Variants in CACNA2D1 observed in about 807,000 individuals in gnomAD.
CACNA2D1 encodes the protein voltage-dependent calcium channel subunit alpha-2/delta-1.
CACNA2D1 carries 53 observed loss-of-function variants against 171.5 expected under a neutral mutation model. The observed-to-expected ratio is 0.31, with a 90% CI of 0.25 to 0.39. CACNA2D1 has a LOEUF of 0.39. CACNA2D1 is among the 10% of genes least tolerant of loss of function. CACNA2D1 has a pLI of 1.00. For synonymous variants in CACNA2D1, 442 were observed against 443.1 expected (o/e 1.00, Z 0.03); for missense variants, 903 against 1,299.8 (o/e 0.69, Z 4.69).
intron 3 of CACNA2D1, among the ~76,000 whole-genome samples, chr7:82,239,003 G>A (rs1397783128): frequency 1.3e-5 from 2 of 151,846 alleles, no homozygotes; most frequent in African/African-American, 4.8e-5. Flanking sequence ...TGGTATATTG[G>A]GATATGGGCA....
At chr7:82,292,077 A>C (rs891299027) in intron 3 of CACNA2D1, among the ~76,000 whole-genome samples, 8 of 152,038 alleles carry the variant, frequency 5.3e-5, no homozygotes, top group African/African-American at 1.9e-4. Flanking sequence ...GTAGTTCTAT[A>C]ATTCAGTGCT....
At chr7:82,226,795 T>C (rs1045248021) in intron 3 of CACNA2D1, among the ~76,000 whole-genome samples, 4 of 152,192 alleles carry the variant, frequency 2.6e-5, no homozygotes, top group Admixed American at 2.6e-4. Flanking sequence ...AAGGCTATAT[T>C]TTATATTTCT....
At position 81,968,834 on chromosome 7, in the gene CACNA2D1, G is replaced by T. The variant is rs1794973149; in HGVS notation, c.2395+53C>A. ...AACATTGCCAGTTTATAATATAAAT[G>T]CCAAGTAACATTTAATTTTGATTGT... On this transcript the variant is annotated intron_variant, in intron 29 of 38. Transcript: ENST00000356860. 6.1e-6 allele frequency: 6 copies of T among 981,542 alleles called. No individual in the cohort carries two copies. In the South Asian group the frequency reaches 6.6e-5, roughly 11 times the overall value. 60.8% of individuals were successfully genotyped at this position (981,542 alleles called of 1,614,324 possible). A position where few individuals can be genotyped will look rare whatever the true frequency, so the allele number is the denominator to read the frequency against.
rs866191389 is a variant in CACNA2D1, at chr7:82,400,343, G to A, written c.95+43022C>T. Among the ~76,000 whole-genome samples, 83 of 151,084 alleles carry A rather than the reference G, an allele frequency of 5.5e-4. No homozygotes were observed. In the Middle Eastern group the frequency reaches 0.017, roughly 31 times the overall value. On this transcript the variant is annotated intron_variant, in intron 1 of 38. Coordinates refer to ENST00000356860, the MANE Select transcript of CACNA2D1 (RefSeq NM_000722.4). Reference sequence around the variant, plus strand: ...TTCTTCCTACCCATGAGCATGGAATGTTCTTCCATTTGTTTGTATCCTCTT... The same window carrying A: ...TTCTTCCTACCCATGAGCATGGAATATTCTTCCATTTGTTTGTATCCTCTT...
At chr7:82,241,392 T>A (rs1341651517) in intron 3 of CACNA2D1, among the ~76,000 whole-genome samples, 1 of 152,174 alleles carries the variant, frequency 6.6e-6, no homozygotes, top group Non-Finnish European at 1.5e-5. Flanking sequence ...TGGACTATAT[T>A]TTGCATTAAT....
Position 81,959,826 on chromosome 7 carries a change from G to T in CACNA2D1, c.2970C>A (p.Ile990=), listed in dbSNP as rs1258962648. 6.2e-7 allele frequency: 1 copy of T among 1,611,588 alleles called. No individual in the cohort carries two copies. Among genetic ancestry groups the T allele is most frequent in the Non-Finnish European group, 8.5e-7 (1 of 1,178,666 alleles). The change falls in exon 37 of 39, where the codon ATC becomes ATA. Residue 990 remains isoleucine, a synonymous_variant. Transcript: ENST00000356860. ...TGTTCATAAGCTTTTCTCCATGAAA[G>T]ATTCTGCAAAATAAATATGGTATCA... ...GVLDCGNCSR[I]FHGEKLMNTN... is the part of the protein sequence containing the mutation.
intron 20 of CACNA2D1, among the ~76,000 whole-genome samples, chr7:81,993,788 A>C (rs1797785344): frequency 6.6e-6 from 1 of 152,132 alleles, no homozygotes; most frequent in South Asian, 2.1e-4. Context: ...AGACAGGAAA[A>C]TATAGTCTTT....
intron 4 of CACNA2D1, among the ~76,000 whole-genome samples, chr7:82,164,238 T>C (rs1465123982): frequency 6.6e-6 from 1 of 152,024 alleles, no homozygotes; most frequent in Non-Finnish European, 1.5e-5. Flanking sequence ...AAAAATTGTA[T>C]ATAGGCCACT....
intron 10 of CACNA2D1, among the ~76,000 whole-genome samples, chr7:82,040,313 T>C (rs533565524): frequency 1.3e-5 from 2 of 151,940 alleles, no homozygotes; most frequent in East Asian, 3.9e-4. Context: ...TCAGGGATAA[T>C]TGAGGAATAG....
intron 2 of CACNA2D1, among the ~76,000 whole-genome samples, chr7:82,340,451 G>A (rs184747944): frequency 2.7e-4 from 41 of 151,068 alleles, no homozygotes; most frequent in Admixed American, 2.6e-3. Context: ...GATTACAGGC[G>A]TGAGCCACAG....
At chr7:82,134,635 A>C (rs1294781991) in intron 5 of CACNA2D1, among the ~76,000 whole-genome samples, 3 of 152,208 alleles carry the variant, frequency 2.0e-5, no homozygotes, top group Non-Finnish European at 4.4e-5. Flanking sequence ...AAAACAGAGA[A>C]GGAATCCTTA....
intron 4 of CACNA2D1, among the ~76,000 whole-genome samples, 171 bp from the exon 5 acceptor site, chr7:82,136,847 C>A (rs1207630209): frequency 4.6e-5 from 7 of 152,070 alleles, no homozygotes; most frequent in Admixed American, 1.3e-4. Context: ...CATATTAAAA[C>A]CGTTTATCAG....
chr7:81,962,874 C>A (rs1794307581), intron 34 of CACNA2D1, among the ~76,000 whole-genome samples: 1 of 151,944 alleles, frequency 6.6e-6, no homozygotes, highest in African/African-American at 2.4e-5. Context: ...GTTTCCCCCG[C>A]CCCCAACAAA....
intron 1 of CACNA2D1, among the ~76,000 whole-genome samples, chr7:82,441,073 T>C (rs1830470882): frequency 6.6e-6 from 1 of 152,078 alleles, no homozygotes; most frequent in Non-Finnish European, 1.5e-5. Context: ...ACTCAGTTTT[T>C]ATAAATTTGA....
intron 3 of CACNA2D1, among the ~76,000 whole-genome samples, chr7:82,258,826 T>TTTTTC (rs1554485187): frequency 1.7e-5 from 2 of 117,868 alleles, no homozygotes; most frequent in Admixed American, 9.3e-5. Context: ...TCTTTTTTTT[T>TTTTTC]TTTTTTTTTT....
chr7:81,976,184 T>C (rs886830756), intron 24 of CACNA2D1, among the ~76,000 whole-genome samples: 10 of 152,298 alleles, frequency 6.6e-5, no homozygotes, highest in African/African-American at 2.4e-4. Context: ...GGTAGCGTGA[T>C]GTCTCTAGCT....
chr7:82,387,462 G>T (rs1585759294), intron 1 of CACNA2D1, among the ~76,000 whole-genome samples: 1 of 152,126 alleles, frequency 6.6e-6, no homozygotes, highest in Non-Finnish European at 1.5e-5. Context: ...TAGCAATATT[G>T]TTAGCTGCTT....
chr7:82,222,964 A>T (rs1187447951), intron 3 of CACNA2D1, among the ~76,000 whole-genome samples: 1 of 143,846 alleles, frequency 7.0e-6, no homozygotes, highest in African/African-American at 2.6e-5. Flanking sequence ...CCCAGGCTGG[A>T]GTGCAGTGGC....
At chr7:82,381,333 A>C (rs1823694703) in intron 1 of CACNA2D1, among the ~76,000 whole-genome samples, 1 of 151,740 alleles carries the variant, frequency 6.6e-6, no homozygotes, top group South Asian at 2.1e-4. Flanking sequence ...AAAAAAAAAA[A>C]AATACGTCCT....
Sources: gnomAD v4.1 joint callset for allele counts (sites outside exome capture counted in the v4.1 genomes callset) on GRCh38, gnomAD v4.1.1 for gene constraint, MANE v1.5 for transcripts, NCBI Gene and HGNC (gene_info 2026-07-23, HGNC 2026-07-21) for gene names.